The following PLCE1 variants were observed in gnomAD, a reference collection of about 807,000 sequenced individuals.
PLCE1 encodes the protein phospholipase C epsilon 1.
A neutral mutation model predicts 242.8 loss-of-function variants in PLCE1; 119 were observed. The ratio of observed to expected loss-of-function variants is 0.49; its 90% CI spans 0.42 to 0.57. The LOEUF is 0.57. PLCE1 is among the 20% of genes least tolerant of loss of function. PLCE1 has a pLI of 0.00. For synonymous variants in PLCE1, 945 were observed against 1,017.4 expected (o/e 0.93, Z 1.35); for missense variants, 2,441 against 2,788.8 (o/e 0.88, Z 2.81).
chr10:94,064,955 A>C (rs1026962346), intron 2 of PLCE1, among the ~76,000 whole-genome samples: 1 of 152,028 alleles, frequency 6.6e-6, no homozygotes, highest in Non-Finnish European at 1.5e-5. Context: ...TGAGCCAAAA[A>C]CTTTTTCTCA....
intron 3 of PLCE1, among the ~76,000 whole-genome samples, chr10:94,162,443 T>C (rs1429261005): frequency 6.6e-6 from 1 of 152,250 alleles, no homozygotes; most frequent in Non-Finnish European, 1.5e-5. Flanking sequence ...TTTATTTGCA[T>C]AGAGGTGTTT....
intron 25 of PLCE1, among the ~76,000 whole-genome samples, chr10:94,305,603 T>C (rs1351012088): frequency 6.6e-6 from 1 of 152,204 alleles, no homozygotes; most frequent in Non-Finnish European, 1.5e-5. Context: ...TTTTTCTCTT[T>C]CCCTAAGACA....
At chr10:94,028,050 G>C (rs1225372830) in intron 1 of PLCE1, among the ~76,000 whole-genome samples, 1 of 152,016 alleles carries the variant, frequency 6.6e-6, no homozygotes. Flanking sequence ...AGGGATCTTT[G>C]GCAATTCACT....
chr10:94,283,939 A>G, intron 21 of PLCE1, 28 bp downstream of exon 21: 3 of 1,605,114 alleles, frequency 1.9e-6, no homozygotes, highest in Non-Finnish European at 2.6e-6. Context: ...GTTAAATGAC[A>G]CTTTGACCAT....
intron 22 of PLCE1, among the ~76,000 whole-genome samples, chr10:94,289,048 C>A (rs1046582336): frequency 1.3e-5 from 2 of 152,062 alleles, no homozygotes; most frequent in Non-Finnish European, 2.9e-5. Context: ...GGTTGGAACA[C>A]CTTGGAGGGC....
chr10:94,190,907 A>C (rs1480173219), intron 4 of PLCE1, among the ~76,000 whole-genome samples: 1 of 152,234 alleles, frequency 6.6e-6, no homozygotes, highest in Admixed American at 6.5e-5. Context: ...GCGAGCCATG[A>C]GAATCTGTCT....
rs542862184 is a variant in PLCE1, at chr10:94,271,044, G to T, written c.4506+442G>T. Reference sequence around the variant, plus strand: ...TGGCTGTGAAGCATATACAGTTAGGGTCCCACAAACCTGAGAAATTGGGCT... The same window carrying T: ...TGGCTGTGAAGCATATACAGTTAGGTTCCCACAAACCTGAGAAATTGGGCT... On this transcript the variant is annotated intron_variant, in intron 18 of 32. Coordinates refer to ENST00000371380, the MANE Select transcript of PLCE1 (RefSeq NM_016341.4). Among the ~76,000 whole-genome samples the T allele has an allele frequency of 5.9e-5, 9 of 152,202 alleles. 1 individual carries two copies. The South Asian group carries it at 1.9e-3, about 32-fold the overall frequency.
chr10:94,066,543 T>C (rs892548031), intron 2 of PLCE1, among the ~76,000 whole-genome samples: 1 of 152,094 alleles, frequency 6.6e-6, no homozygotes, highest in African/African-American at 2.4e-5. Flanking sequence ...CACTCCCAAC[T>C]TCACAGTGAA....
chr10:94,190,478 C>T (rs549797431), intron 4 of PLCE1, among the ~76,000 whole-genome samples: 17 of 152,180 alleles, frequency 1.1e-4, no homozygotes, highest in Non-Finnish European at 2.2e-4. Flanking sequence ...TTGTGGCACA[C>T]GCCTGTAGTA....
intron 4 of PLCE1, among the ~76,000 whole-genome samples, chr10:94,219,422 T>C (rs1468777747): frequency 6.6e-6 from 1 of 152,216 alleles, no homozygotes; most frequent in Non-Finnish European, 1.5e-5. Context: ...TTAGGCAGGC[T>C]TTCCTTATAT....
chr10:94,195,311 T>C (rs2048786214), intron 4 of PLCE1, among the ~76,000 whole-genome samples: 1 of 152,082 alleles, frequency 6.6e-6, no homozygotes, highest in South Asian at 2.1e-4. Context: ...GAAAGGGCAA[T>C]GGGCTGGTCC....
intron 6 of PLCE1, 39 bp downstream of exon 6, chr10:94,234,351 T>C: frequency 6.2e-7 from 1 of 1,603,616 alleles, no homozygotes; most frequent in Middle Eastern, 1.9e-4. Context: ...GAAGAGCCAC[T>C]GTTGCTGGCT....
In PLCE1 at chr10:94,132,243, C is replaced by G; in HGVS notation, c.1276C>G (p.Leu426Val). Residue 426 changes from leucine to valine, a missense_variant, in exon 3 of 33, where the codon CTC (leucine) becomes GTC (valine). Coordinates refer to ENST00000371380, the MANE Select transcript of PLCE1 (RefSeq NM_016341.4). Reference protein sequence around the residue: ...VGSLLHFLTKLPASETAHGRI... With the variant: ...VGSLLHFLTKVPASETAHGRI... ...ATCTCTACTCCATTTCCTCACCAAGCTCCCAGCCTCCGAGACAGCCCATGG... is the reference window on the plus strand; with the variant it reads ...ATCTCTACTCCATTTCCTCACCAAGGTCCCAGCCTCCGAGACAGCCCATGG... The G allele has an allele frequency of 1.9e-6, 3 of 1,614,084 alleles. No individual in the cohort carries two copies. Among genetic ancestry groups the G allele is most frequent in the Non-Finnish European group, 2.5e-6 (3 of 1,179,990 alleles).
intron 22 of PLCE1, among the ~76,000 whole-genome samples, chr10:94,291,595 A>T (rs1232409705): frequency 6.6e-6 from 1 of 152,138 alleles, no homozygotes; most frequent in Non-Finnish European, 1.5e-5. Context: ...AAGGGGTGTA[A>T]CAGTCCTAAC....
At chr10:94,170,241 C>T (rs1302609615) in intron 3 of PLCE1, among the ~76,000 whole-genome samples, 1 of 152,120 alleles carries the variant, frequency 6.6e-6, no homozygotes, top group East Asian at 1.9e-4. Flanking sequence ...ACTCAGGTGA[C>T]CACAAAACTG....
rs982839227 is a variant in PLCE1, at chr10:94,328,208, A to C, written c.*265A>C. On this transcript the variant is annotated 3_prime_UTR_variant, in exon 33 of 33. Coordinates refer to ENST00000371380, the MANE Select transcript of PLCE1 (RefSeq NM_016341.4). Reference sequence around the variant, plus strand: ...CAGTTGGAAAAATCGTCACGAATTGACTTAGAGCAAGGGTCAGCAAGCTTG... The same window carrying C: ...CAGTTGGAAAAATCGTCACGAATTGCCTTAGAGCAAGGGTCAGCAAGCTTG... 2 of 312,870 alleles carry C rather than the reference A, an allele frequency of 6.4e-6. No homozygotes were observed. Among genetic ancestry groups the C allele is most frequent in the Non-Finnish European group, 1.3e-5 (2 of 149,702 alleles). The allele number at this position is 312,870 out of a possible 1,614,324, so 19.4% of individuals were successfully genotyped here. A position where few individuals can be genotyped will look rare whatever the true frequency, so the allele number is the denominator to read the frequency against.
At chr10:94,102,781 C>T (rs2045586406) in intron 2 of PLCE1, among the ~76,000 whole-genome samples, 1 of 152,214 alleles carries the variant, frequency 6.6e-6, no homozygotes, top group African/African-American at 2.4e-5. Flanking sequence ...GAAGCCCACC[C>T]ATTCCCAGGG....
At chr10:94,262,758 G>A (rs756159102) in intron 14 of PLCE1, 26 bp downstream of exon 14, 9 of 1,408,194 alleles carry the variant, frequency 6.4e-6, no homozygotes, top group South Asian at 4.6e-5. Flanking sequence ...GTGTGTGCAT[G>A]TGTGTGTGAT....
intron 2 of PLCE1, among the ~76,000 whole-genome samples, chr10:94,047,316 C>T (rs1310230863): frequency 6.6e-6 from 1 of 152,248 alleles, no homozygotes; most frequent in Non-Finnish European, 1.5e-5. Context: ...TTAGTTCCTG[C>T]CAGGGGCCAG....
Sources: gnomAD v4.1 joint callset for allele counts (sites outside exome capture counted in the v4.1 genomes callset) on GRCh38, gnomAD v4.1.1 for gene constraint, MANE v1.5 for transcripts, NCBI Gene and HGNC (gene_info 2026-07-23, HGNC 2026-07-21) for gene names.